THEMIS: variants seen among roughly 807,000 people sequenced by gnomAD.
THEMIS encodes thymocyte selection associated.
Under a neutral mutation model 52.6 loss-of-function variants are expected in THEMIS, and 37 were observed. The observed-to-expected ratio is 0.70, with a 90% CI of 0.54 to 0.93. The LOEUF is 0.93. Among genes scored for constraint, THEMIS ranks in the 40% least tolerant of loss-of-function variants. THEMIS has a pLI of 0.00. For synonymous variants in THEMIS, 292 were observed against 272.7 expected (o/e 1.07, Z -0.70); for missense variants, 808 against 763.1 (o/e 1.06, Z -0.69).
chr6:127,759,320 T>G (rs1775936943), intron 4 of THEMIS, among the ~76,000 whole-genome samples: 1 of 152,294 alleles, frequency 6.6e-6, no homozygotes, highest in East Asian at 1.9e-4. Context: ...TTCACAAATA[T>G]GTAGGCTGAT....
chr6:127,885,732 CT>C (rs68111070), intron 1 of THEMIS, among the ~76,000 whole-genome samples: 4,076 of 152,214 alleles, frequency 0.027, 178 homozygotes, highest in African/African-American at 0.09. Context: ...GGAATGACAA[CT>C]TCTTGGCATT....
Position 127,768,448 on chromosome 6 carries a change from G to A in THEMIS, c.1758+44435C>T, listed in dbSNP as rs1452260847. 2.0e-5 allele frequency among the ~76,000 whole-genome samples: 3 copies of A among 152,130 alleles called. No individual in the cohort carries two copies. In the East Asian group the frequency reaches 5.8e-4, roughly 29 times the overall value. On this transcript the variant is annotated intron_variant, in intron 4 of 5. Coordinates refer to ENST00000368248, the MANE Select transcript of THEMIS (RefSeq NM_001010923.3). ...TCATCAGTTTTCTAGTCTGAAGGGAGAGTTGGCTCACCTAAAAAGAAACAG... is the reference window on the plus strand; with the variant it reads ...TCATCAGTTTTCTAGTCTGAAGGGAAAGTTGGCTCACCTAAAAAGAAACAG...
chr6:127,872,007 C>T (rs537067097), intron 1 of THEMIS, among the ~76,000 whole-genome samples: 1 of 151,944 alleles, frequency 6.6e-6, no homozygotes, highest in East Asian at 1.9e-4. Context: ...AAAAAATAAA[C>T]AAATAAATAA....
chr6:127,701,686 AG>A, the THEMIS span, among the ~76,000 whole-genome samples: 1 of 152,158 alleles, frequency 6.6e-6, no homozygotes, highest in African/African-American at 2.4e-5. Context: ...GCTGCTCCAT[AG>A]TTTCTTCAAA....
At chr6:127,711,198 G>T (rs1773970657) in intron 5 of THEMIS, among the ~76,000 whole-genome samples, 1 of 151,286 alleles carries the variant, frequency 6.6e-6, no homozygotes, top group African/African-American at 2.4e-5. Context: ...TTTTTTAAAG[G>T]AGAAGGAGGA....
chr6:127,879,799 C>CTGGA (rs1780424130), intron 1 of THEMIS, among the ~76,000 whole-genome samples: 3 of 151,996 alleles, frequency 2.0e-5, no homozygotes, highest in Non-Finnish European at 2.9e-5. Context: ...AGCTGCTGGA[C>CTGGA]TGGATCCTAA....
At chr6:127,778,442 C>A (rs1776636263) in intron 4 of THEMIS, among the ~76,000 whole-genome samples, 1 of 152,056 alleles carries the variant, frequency 6.6e-6, no homozygotes, top group African/African-American at 2.4e-5. Context: ...GTAGTTGGGT[C>A]TTAATTCCTT....
intron 3 of THEMIS, among the ~76,000 whole-genome samples, chr6:127,826,666 A>G (rs1778517680): frequency 6.6e-6 from 1 of 152,156 alleles, no homozygotes; most frequent in Admixed American, 6.5e-5. Flanking sequence ...GCAAATATAA[A>G]TAGCTCACTC....
chr6:127,749,794 GA>G (rs1775571324), intron 4 of THEMIS, among the ~76,000 whole-genome samples: 1 of 151,478 alleles, frequency 6.6e-6, no homozygotes, highest in African/African-American at 2.4e-5. Flanking sequence ...TAGCTGAACT[GA>G]AAGTTTATTA....
intron 4 of THEMIS, among the ~76,000 whole-genome samples, chr6:127,746,683 C>T (rs868670484): frequency 4.2e-4 from 51 of 122,330 alleles, no homozygotes; most frequent in African/African-American, 1.5e-3. Flanking sequence ...ATTTGTTATA[C>T]ATATATTTTA....
At chr6:127,835,192 A>G (rs1278958045) in intron 2 of THEMIS, among the ~76,000 whole-genome samples, 10 of 152,226 alleles carry the variant, frequency 6.6e-5, no homozygotes, top group Admixed American at 2.0e-4. Context: ...GATCTTCACA[A>G]TACCACATAT....
At chr6:127,716,975 A>G (rs1774189514) in intron 5 of THEMIS, among the ~76,000 whole-genome samples, 1 of 151,922 alleles carries the variant, frequency 6.6e-6, no homozygotes, top group East Asian at 1.9e-4. Context: ...CATTTCCAAG[A>G]GCATACTGCT....
intron 4 of THEMIS, among the ~76,000 whole-genome samples, chr6:127,736,107 G>T (rs1179655910): frequency 6.6e-6 from 1 of 152,080 alleles, no homozygotes; most frequent in Non-Finnish European, 1.5e-5. Context: ...AAGGATGTTT[G>T]GCCCAGTTGT....
chr6:127,726,386 C>A (rs1235200429), intron 4 of THEMIS, among the ~76,000 whole-genome samples: 2 of 151,990 alleles, frequency 1.3e-5, no homozygotes, highest in Non-Finnish European at 2.9e-5. Flanking sequence ...GGGACTAGAC[C>A]CAAGAAAAAC....
At chr6:127,798,619 T>C (rs1777411469) in intron 4 of THEMIS, among the ~76,000 whole-genome samples, 1 of 151,994 alleles carries the variant, frequency 6.6e-6, no homozygotes, top group Non-Finnish European at 1.5e-5. Context: ...AAGAATTGAA[T>C]GAGAACTATT....
chr6:127,789,166 GAC>G (rs1250505278), intron 4 of THEMIS, among the ~76,000 whole-genome samples: 4 of 151,904 alleles, frequency 2.6e-5, no homozygotes, highest in Non-Finnish European at 4.4e-5. Context: ...GAATCAAATA[GAC>G]ACAATAAAAA....
rs1781121393 is a variant in THEMIS, at chr6:127,901,041, G to A, written c.-109C>T. 1 of 863,636 alleles carries A rather than the reference G, an allele frequency of 1.2e-6. No individual in the cohort carries two copies. Among genetic ancestry groups the A allele is most frequent in the Admixed American group, 1.8e-5 (1 of 55,042 alleles). 53.5% of individuals were successfully genotyped at this position (863,636 alleles called of 1,614,324 possible). On this transcript the variant is annotated 5_prime_UTR_variant, in exon 1 of 6. Transcript: ENST00000368248. ...TGCTCACCATTTCTTCCTCAGGCAG[G>A]CAGGAATGTCACACTACAGCCAGAG...
At chr6:127,796,894 G>C (rs778549601) in intron 4 of THEMIS, among the ~76,000 whole-genome samples, 5 of 152,186 alleles carry the variant, frequency 3.3e-5, no homozygotes, top group Non-Finnish European at 5.9e-5. Context: ...CTGTGAACTA[G>C]TGGTTATTCT....
At chr6:127,810,670 GGTATTAT>G (rs1043985538) in intron 4 of THEMIS, among the ~76,000 whole-genome samples, 5 of 152,186 alleles carry the variant, frequency 3.3e-5, no homozygotes, top group African/African-American at 1.2e-4. Flanking sequence ...CTGAGTCTGT[GGTATTAT>G]GTTATAATAG....
Sources: allele counts gnomAD v4.1 joint callset (sites outside exome capture counted in the v4.1 genomes callset), GRCh38; gene constraint gnomAD v4.1.1; transcripts MANE v1.5; gene names NCBI Gene and HGNC (gene_info 2026-07-23, HGNC 2026-07-21).